PELI2: variants seen among roughly 807,000 people sequenced by gnomAD.
The protein encoded by PELI2 is E3 ubiquitin-protein ligase pellino homolog 2.
A neutral mutation model predicts 42.3 loss-of-function variants in PELI2; 23 were observed. The ratio of observed to expected loss-of-function variants is 0.54; its 90% CI spans 0.39 to 0.77. The LOEUF is 0.77. Ranked by LOEUF, PELI2 falls within the 30% of genes least tolerant of loss-of-function variation. The probability of loss-of-function intolerance (pLI) is 0.00; values close to 1 mark genes in which losing one functional copy is unlikely to be tolerated. For synonymous variants in PELI2, 245 were observed against 212.2 expected (o/e 1.15, Z -1.34); for missense variants, 463 against 553.2 (o/e 0.84, Z 1.64).
Position 56,273,386 on chromosome 14 carries a change from G to GC in PELI2, c.208-6290_208-6289insC, listed in dbSNP as rs1889172628. On this transcript the variant is annotated intron_variant, in intron 2 of 5. Coordinates refer to ENST00000267460, the MANE Select transcript of PELI2 (RefSeq NM_021255.3). This position sits in a 1 kb window ranked among gnomAD's most constrained non-coding sequence, Gnocchi z 4.3. Reference sequence around the variant, plus strand: ...TGTGTCACATCCACGGCATTCTCTTGGTCATTGAGCAAGCTACTGAAGCCA... The same window carrying GC: ...TGTGTCACATCCACGGCATTCTCTTGCGTCATTGAGCAAGCTACTGAAGCCA... Among the ~76,000 whole-genome samples, 1 of 152,142 alleles carries GC rather than the reference G, an allele frequency of 6.6e-6. No individual in the cohort carries two copies. Among genetic ancestry groups the GC allele is most frequent in the Admixed American group, 6.5e-5 (1 of 15,270 alleles).
At chr14:56,229,612 A>G (rs559381383) in intron 2 of PELI2, among the ~76,000 whole-genome samples, 14 of 152,348 alleles carry the variant, frequency 9.2e-5, no homozygotes, top group Admixed American at 7.8e-4. Context: ...ATCAAAGACC[A>G]AAGGTAGATA....
chr14:56,137,545 A>T (rs1883728712), intron 1 of PELI2, among the ~76,000 whole-genome samples: 1 of 152,102 alleles, frequency 6.6e-6, no homozygotes, highest in Admixed American at 6.5e-5. Context: ...TCTGCTGGAG[A>T]TCAGGCTCAT....
At chr14:56,250,434 GC>G (rs201520555) in intron 2 of PELI2, among the ~76,000 whole-genome samples, 2,197 of 152,234 alleles carry the variant, frequency 0.014, 57 homozygotes, top group African/African-American at 0.05. Flanking sequence ...CCCACAATAG[GC>G]CATCTGCAAG....
chr14:56,277,464 C>A (rs1187548088), intron 2 of PELI2, among the ~76,000 whole-genome samples: 1 of 151,882 alleles, frequency 6.6e-6, no homozygotes, highest in East Asian at 1.9e-4. Context: ...GCTCAGGGCT[C>A]CCACTGATTC....
chr14:56,149,001 C>G (rs1884237546), intron 1 of PELI2, among the ~76,000 whole-genome samples: 1 of 152,088 alleles, frequency 6.6e-6, no homozygotes, highest in Non-Finnish European at 1.5e-5. Context: ...AGACCCAAAC[C>G]CATTCACTGA....
At chr14:56,239,188 A>G (rs970037838) in intron 2 of PELI2, among the ~76,000 whole-genome samples, 1 of 152,224 alleles carries the variant, frequency 6.6e-6, no homozygotes, top group East Asian at 1.9e-4. Flanking sequence ...AATGATATTT[A>G]TTGCCTGTCT....
At chr14:56,285,949 G>A (rs1268218460) in intron 3 of PELI2, among the ~76,000 whole-genome samples, 1 of 152,148 alleles carries the variant, frequency 6.6e-6, no homozygotes, top group African/African-American at 2.4e-5. Context: ...TACAGAATGA[G>A]ATAAGCATAC....
At chr14:56,212,827 G>C (rs1456929076) in intron 2 of PELI2, among the ~76,000 whole-genome samples, 2 of 152,224 alleles carry the variant, frequency 1.3e-5, no homozygotes, top group African/African-American at 4.8e-5. Context: ...GTGTGGACCA[G>C]AGGCTGAGCA....
chr14:56,203,063 T>C lies in PELI2; in HGVS notation c.207+24599T>C, dbSNP rs535527067. On this transcript the variant is annotated intron_variant, in intron 2 of 5. Transcript: ENST00000267460. ...GAAAGTTGAAATATGGAGTAATTAT[T>C]GCACAGAAATTAATTTATTGCATGT... Among the ~76,000 whole-genome samples, 12 of 152,332 alleles carry C rather than the reference T, an allele frequency of 7.9e-5. No individual in the cohort carries two copies. The South Asian group carries it at 2.5e-3, about 32-fold the overall frequency.
intron 1 of PELI2, among the ~76,000 whole-genome samples, chr14:56,143,360 C>T (rs1813175868): frequency 6.6e-6 from 1 of 152,212 alleles, no homozygotes; most frequent in African/African-American, 2.4e-5. Flanking sequence ...AAGGTGATGT[C>T]TGCTTAATTC....
rs548475656 is a variant in PELI2, at chr14:56,258,524, C to G, written c.208-21152C>G. Among the ~76,000 whole-genome samples the G allele has an allele frequency of 1.1e-3, 171 of 150,722 alleles. 1 individual carries two copies. The highest frequency in any genetic ancestry group is 3.8e-3 in the Admixed American group (57 of 15,126). On this transcript the variant is annotated intron_variant, in intron 2 of 5. Coordinates refer to ENST00000267460, the MANE Select transcript of PELI2 (RefSeq NM_021255.3). Reference sequence around the variant, plus strand: ...ATGTGCATGTTGAGAAGAACAATGTCAGAAAAAAGGTTCAAGTGATGAAAC... The same window carrying G: ...ATGTGCATGTTGAGAAGAACAATGTGAGAAAAAAGGTTCAAGTGATGAAAC...
At chr14:56,176,594 A>T (rs1438012090) in intron 1 of PELI2, among the ~76,000 whole-genome samples, 1 of 152,184 alleles carries the variant, frequency 6.6e-6, no homozygotes, top group African/African-American at 2.4e-5. Flanking sequence ...ATGGGACTGG[A>T]TGGGCACTCA....
rs80322991 is a variant in PELI2, at chr14:56,187,170, T to C, written c.207+8706T>C. On this transcript the variant is annotated intron_variant, in intron 2 of 5. Transcript: ENST00000267460. Reference sequence around the variant, plus strand: ...GCTGCAGATGGCAGGTAGAAAATATTCTGAAGGATAAGACCAAAGCTGGGT... The same window carrying C: ...GCTGCAGATGGCAGGTAGAAAATATCCTGAAGGATAAGACCAAAGCTGGGT... Among the ~76,000 whole-genome samples, 1,125 of 152,298 alleles carry C rather than the reference T, an allele frequency of 7.4e-3. 19 individuals carry two copies. Among genetic ancestry groups the C allele is most frequent in the African/African-American group, 0.026 (1,064 of 41,552 alleles).
At chr14:56,200,328 C>T (rs770362343) in intron 2 of PELI2, among the ~76,000 whole-genome samples, 6 of 59,988 alleles carry the variant, frequency 1.0e-4, no homozygotes, top group Non-Finnish European at 1.8e-4. Flanking sequence ...CTTTCCCTCA[C>T]AACAGTTTCA....
chr14:56,155,657 C>T (rs1024569026), intron 1 of PELI2, among the ~76,000 whole-genome samples: 3 of 151,028 alleles, frequency 2.0e-5, no homozygotes, highest in Non-Finnish European at 4.4e-5. Context: ...TCTCGGCTCA[C>T]TGCAACCTCC....
chr14:56,210,217 C>T (rs751776835), intron 2 of PELI2, among the ~76,000 whole-genome samples: 5 of 151,438 alleles, frequency 3.3e-5, no homozygotes, highest in African/African-American at 9.7e-5. Context: ...GAGAGGGGTG[C>T]GGAGGAGGAA....
rs142050272 is a variant in PELI2, at chr14:56,195,554, T to C, written c.207+17090T>C. On this transcript the variant is annotated intron_variant, in intron 2 of 5. Transcript: ENST00000267460. ...ACAGAATTGCTGTGTGGAAGGCCTT[T>C]CAGCAATTTAGCTAAAGGCTTTAGA... Among the ~76,000 whole-genome samples the C allele has an allele frequency of 2.0e-4, 30 of 152,346 alleles. No individual in the cohort carries two copies. The East Asian group carries it at 5.8e-3, about 29-fold the overall frequency.
At chr14:56,140,215 G>T (rs1229122611) in intron 1 of PELI2, among the ~76,000 whole-genome samples, 2 of 151,856 alleles carry the variant, frequency 1.3e-5, no homozygotes, top group East Asian at 1.9e-4. Context: ...CACTTCTCAT[G>T]AATGTCGTCA....
intron 1 of PELI2, among the ~76,000 whole-genome samples, chr14:56,134,868 A>G (rs1188018290): frequency 2.0e-5 from 3 of 151,936 alleles, no homozygotes; most frequent in East Asian, 1.9e-4. Flanking sequence ...CCATCCCCCA[A>G]TCCAATTTCC....
Sources: gnomAD v4.1 joint callset for allele counts (sites outside exome capture counted in the v4.1 genomes callset) on GRCh38, gnomAD v4.1.1 for gene constraint, Gnocchi (gnomAD v3.1) non-coding constraint, MANE v1.5 for transcripts, NCBI Gene and HGNC (gene_info 2026-07-23, HGNC 2026-07-21) for gene names.